Variants in KIFC3 observed in about 807,000 individuals in gnomAD.
KIFC3 encodes kinesin family member C3, also known as kinesin-like protein KIFC3.
In KIFC3, 60 loss-of-function variants were observed where a neutral mutation model predicts 101.8. That is an observed-to-expected ratio of 0.59 (90% confidence interval 0.48 to 0.73). KIFC3 has a LOEUF of 0.73. Ranked by LOEUF, KIFC3 falls within the 30% of genes least tolerant of loss-of-function variation. The probability of loss-of-function intolerance (pLI) is 0.00; values close to 1 mark genes in which losing one functional copy is unlikely to be tolerated. For missense variants in KIFC3, 966 were observed against 1,137.1 expected, an observed-to-expected ratio of 0.85 and a Z score of 2.16; for synonymous variants, 476 against 482.7, an observed-to-expected ratio of 0.99 and a Z score of 0.18.
At chr16:57,804,275 G>A (rs540737608), upstream of KIFC3, among the ~76,000 whole-genome samples, 1 of 152,058 alleles carries the variant, frequency 6.6e-6, no homozygotes, top group Non-Finnish European at 1.5e-5. Flanking sequence ...AGCTAACACT[G>A]TGTCAGGCAC....
chr16:57,814,311 A>G (rs74659144), intron 1 of KIFC3, among the ~76,000 whole-genome samples: 10,684 of 152,168 alleles, frequency 0.07, 461 homozygotes, highest in African/African-American at 0.12. Flanking sequence ...GTTCCCCAGG[A>G]CCACCTCCCC....
intron 1 of KIFC3, among the ~76,000 whole-genome samples, chr16:57,844,507 T>C (rs1267703264): frequency 1.3e-5 from 2 of 149,442 alleles, no homozygotes; most frequent in South Asian, 2.1e-4. Context: ...CTGAAAGCCA[T>C]AGCCTCGTGT....
intron 1 of KIFC3, among the ~76,000 whole-genome samples, chr16:57,812,613 T>A (rs147044511): frequency 6.6e-6 from 1 of 151,954 alleles, no homozygotes. Context: ...TGTGTGGACC[T>A]GAAGGAATGT....
intron 3 of KIFC3, among the ~76,000 whole-genome samples, chr16:57,783,472 C>CTTTCT (rs557476340): frequency 6.1e-5 from 5 of 82,608 alleles, no homozygotes; most frequent in Non-Finnish European, 6.0e-5. Context: ...ATTTTCTTTT[C>CTTTCT]TTTTTTTTTT....
intron 1 of KIFC3, among the ~76,000 whole-genome samples, chr16:57,858,225 T>C (rs1010720820): frequency 5.3e-5 from 8 of 152,174 alleles, no homozygotes; most frequent in African/African-American, 1.9e-4. Context: ...TTCCTGATAC[T>C]GAATGAGCAA....
intron 1 of KIFC3, among the ~76,000 whole-genome samples, chr16:57,830,805 T>C (rs934038691): frequency 2.0e-5 from 3 of 152,168 alleles, no homozygotes; most frequent in African/African-American, 7.2e-5. Context: ...AAATCATTGA[T>C]GCCAACATTC....
chr16:57,776,354 G>A (rs1315722056), intron 3 of KIFC3: 8 of 985,386 alleles, frequency 8.1e-6, no homozygotes, highest in Non-Finnish European at 9.6e-6. Context: ...TCTGTCCCCT[G>A]TCCACGCCAC....
At chr16:57,808,673 A>G (rs1171415543) in intron 1 of KIFC3, among the ~76,000 whole-genome samples, 1 of 152,140 alleles carries the variant, frequency 6.6e-6, no homozygotes, top group Non-Finnish European at 1.5e-5. Flanking sequence ...TCTTTCCAGT[A>G]TCTGACCTTG....
chr16:57,764,071 C>A, intron 12 of KIFC3, 72 bp downstream of exon 12: 1 of 1,088,894 alleles, frequency 9.2e-7, no homozygotes, highest in South Asian at 1.3e-5. Context: ...CACAATACCC[C>A]AAGACCAATG....
intron 3 of KIFC3, chr16:57,785,750 A>C: frequency 5.0e-6 from 4 of 806,868 alleles, no homozygotes; most frequent in Non-Finnish European, 6.6e-6. Flanking sequence ...AAGACAGACC[A>C]CCAGGGATGA....
At position 57,758,411 on chromosome 16, in the gene KIFC3, GCCTCCGCA is replaced by G. The variant is rs2049389687; in HGVS notation, c.*515_*522del. ...ACGGCCCCGTGGCGGGAGGCCATGC[GCCTCCGCA>G]CACCCCCCAGCTGCGGGAACCCTCC... is the stretch of plus-strand genomic sequence containing the variant. On this transcript the variant is annotated 3_prime_UTR_variant, in exon 20 of 20. Transcript: ENST00000445690. 1 of 356,352 alleles carries G rather than the reference GCCTCCGCA, an allele frequency of 2.8e-6. No individual in the cohort carries two copies. Among genetic ancestry groups the G allele is most frequent in the Non-Finnish European group, 5.5e-6 (1 of 182,346 alleles). The allele number at this position is 356,352 out of a possible 1,614,324, so 22.1% of individuals were successfully genotyped here.
rs781841489 is a variant in KIFC3 at position 57,817,937 on chromosome 16, T to C, written c.109-19655A>G. Among the ~76,000 whole-genome samples the C allele has an allele frequency of 7.2e-5, 11 of 152,260 alleles. No individual in the cohort carries two copies. In the Middle Eastern group the frequency reaches 0.014, roughly 190 times the overall value. ...ATTGTCTCACCCATCACCATCATCA[T>C]CACCATCTCCTCACAGAAGCTTAGC... is the stretch of plus-strand genomic sequence containing the variant. On this transcript the variant is annotated intron_variant, in intron 1 of 2. Transcript: ENST00000563028.
intron 1 of KIFC3, among the ~76,000 whole-genome samples, chr16:57,847,997 G>T (rs139029223): frequency 9.2e-4 from 140 of 152,320 alleles, no homozygotes; most frequent in African/African-American, 3.2e-3. Flanking sequence ...TGTTGGCCAG[G>T]TGTGTCTTGA....
At position 57,782,101 on chromosome 16, in the gene KIFC3, C is replaced by T. The variant is rs537486505; in HGVS notation, c.316-9813G>A. ...GAAAGTCCAAGTCTGAGTCAAACCA[C>T]AGTGAGGCCAGCAGGAGACCAGGGC... On this transcript the variant is annotated intron_variant, in intron 3 of 19. Coordinates refer to ENST00000445690, the MANE Select transcript of KIFC3 (RefSeq NM_001130100.2). The T allele has an allele frequency of 3.1e-5, 31 of 985,466 alleles. No individual in the cohort carries two copies. In the East Asian group the frequency reaches 2.6e-3, roughly 83 times the overall value. 61.0% of individuals were successfully genotyped at this position (985,466 alleles called of 1,614,324 possible). A position where few individuals can be genotyped will look rare whatever the true frequency, so the allele number is the denominator to read the frequency against.
At chr16:57,841,395 G>A (rs1433631587) in intron 1 of KIFC3, among the ~76,000 whole-genome samples, 1 of 152,212 alleles carries the variant, frequency 6.6e-6, no homozygotes, top group Non-Finnish European at 1.5e-5. Flanking sequence ...GCCAGGCGCA[G>A]TGGCTCACGC....
rs2050831170 is a variant in KIFC3, at chr16:57,769,013, T to C, written c.1218+582A>G. Among the ~76,000 whole-genome samples the C allele has an allele frequency of 6.6e-6, 1 of 152,180 alleles. No individual in the cohort carries two copies. Among genetic ancestry groups the C allele is most frequent in the Non-Finnish European group, 1.5e-5 (1 of 68,038 alleles). On this transcript the variant is annotated intron_variant, in intron 9 of 19. Coordinates refer to ENST00000445690, the MANE Select transcript of KIFC3 (RefSeq NM_001130100.2). The surrounding 1 kb of genome is among the most constrained non-coding windows in gnomAD (Gnocchi z 4.3). ...GAACCCTGTCTCTAATAAATAATTT[T>C]TTTAAAAAATACGTATGTAGCATGT...
At chr16:57,770,008 C>T in intron 7 of KIFC3, 53 bp from the exon 8 acceptor site, 1 of 1,575,788 alleles carries the variant, frequency 6.3e-7, no homozygotes, top group Non-Finnish European at 8.6e-7. Context: ...GAGAGAGGGG[C>T]AGGTGCCACA....
At chr16:57,759,208 C>CA in intron 18 of KIFC3, 55 bp from the exon 19 acceptor site, 1 of 1,544,866 alleles carries the variant, frequency 6.5e-7, no homozygotes, top group South Asian at 1.2e-5. Context: ...GCCAGTACCC[C>CA]ACAAGACCCT....
Position 57,771,689 on chromosome 16 carries a change from G to A in KIFC3, c.382-3C>T. 6.2e-7 allele frequency: 1 copy of A among 1,610,498 alleles called. No homozygotes were observed. Among genetic ancestry groups the A allele is most frequent in the Non-Finnish European group, 8.5e-7 (1 of 1,178,714 alleles). Reference sequence around the variant, plus strand: ...TGCTTCTCCAAGTCGGTGCCCCCCTGCAGAGAGCCAGGGCCGAGGGGGCGC... The same window carrying A: ...TGCTTCTCCAAGTCGGTGCCCCCCTACAGAGAGCCAGGGCCGAGGGGGCGC... On this transcript the variant is annotated splice_region_variant and splice_polypyrimidine_tract_variant and intron_variant, in intron 4 of 19. Transcript: ENST00000445690.
Sources: gnomAD v4.1 joint callset for allele counts (sites outside exome capture counted in the v4.1 genomes callset) on GRCh38, gnomAD v4.1.1 for gene constraint, Gnocchi (gnomAD v3.1) non-coding constraint, MANE v1.5 for transcripts, NCBI Gene and HGNC (gene_info 2026-07-23, HGNC 2026-07-21) for gene names.